MAFF: variants seen among roughly 807,000 people sequenced by gnomAD.
The protein encoded by MAFF is MAF bZIP transcription factor F, also known as transcription factor MafF.
Under a neutral mutation model 2.7 loss-of-function variants are expected in MAFF, and 4 were observed. The ratio of observed to expected loss-of-function variants is 1.48; its 90% CI spans 0.73 to 3.39. The LOEUF (loss-of-function observed/expected upper bound fraction) is 3.39, where lower values mean the gene tolerates loss of function less well. Among genes scored for constraint, MAFF ranks in the 30% most tolerant of loss-of-function variants. The probability of loss-of-function intolerance (pLI) is 0.01; values close to 1 mark genes in which losing one functional copy is unlikely to be tolerated. For synonymous variants in MAFF, 113 were observed against 119.4 expected, an observed-to-expected ratio of 0.95 and a Z score of 0.35; for missense variants, 190 against 246.6, an observed-to-expected ratio of 0.77 and a Z score of 1.54.
At chr22:38,211,592 G>A (rs1386531665) in intron 1 of MAFF, among the ~76,000 whole-genome samples, 2 of 152,192 alleles carry the variant, frequency 1.3e-5, no homozygotes, top group Non-Finnish European at 2.9e-5. Context: ...CCAGTGAGCC[G>A]TGGGAAGGTC....
At position 38,215,704 on chromosome 22, in the gene MAFF, A is replaced by AG; in HGVS notation, c.*831dup. The AG allele has an allele frequency of 6.0e-6, 1 of 167,606 alleles. No individual in the cohort carries two copies. The allele number at this position is 167,606 out of a possible 1,614,324, so 10.4% of individuals were successfully genotyped here. Reference sequence around the variant, plus strand: ...GTCCGGGGGCTGGCCAGTCAGAGAAAGGGGGCCATGGACTGCTGTGGCAAA... The same window carrying AG: ...GTCCGGGGGCTGGCCAGTCAGAGAAAGGGGGGCCATGGACTGCTGTGGCAAA... On this transcript the variant is annotated 3_prime_UTR_variant, in exon 3 of 3. Coordinates refer to ENST00000338483, the MANE Select transcript of MAFF (RefSeq NM_012323.4).
chr22:38,213,710 T>A (rs766203082), intron 1 of MAFF, 113 bp from the exon 2 acceptor site: 5 of 788,490 alleles, frequency 6.3e-6, no homozygotes, highest in Non-Finnish European at 1.1e-5. Flanking sequence ...GTGGCAGGTA[T>A]GAATCAGTTC....
At chr22:38,209,673 C>T (rs958462469) in intron 1 of MAFF, among the ~76,000 whole-genome samples, 3 of 151,756 alleles carry the variant, frequency 2.0e-5, no homozygotes, top group Non-Finnish European at 4.4e-5. Context: ...ATTAGCTGGG[C>T]GTGGTGGTAG....
chr22:38,213,945 G>A, intron 2 of MAFF, 56 bp downstream of exon 2: 2 of 1,578,760 alleles, frequency 1.3e-6, no homozygotes, highest in South Asian at 1.1e-5. Context: ...CCCATGCAGA[G>A]CCTCCTCATC....
rs1164552980 is a variant in MAFF at position 38,214,206 on chromosome 22, G to T, written c.37-214G>T. 2.0e-5 allele frequency among the ~76,000 whole-genome samples: 3 copies of T among 152,232 alleles called. No homozygotes were observed. Among genetic ancestry groups the T allele is most frequent in the African/African-American group, 7.2e-5 (3 of 41,472 alleles). On this transcript the variant is annotated intron_variant, in intron 2 of 2. Transcript: ENST00000338483. The surrounding 1 kb of genome is among the most constrained non-coding windows in gnomAD (Gnocchi z 6.3). ...GGCTGAGTCCAGGGCTTGGCGCTAG[G>T]TTAGAATTCAGGCTGAGCCCCGGGG...
chr22:38,207,600 C>T lies in MAFF; in HGVS notation c.-32+5388C>T, dbSNP rs1007699738. Among the ~76,000 whole-genome samples, 5 of 150,820 alleles carry T rather than the reference C, an allele frequency of 3.3e-5. No individual in the cohort carries two copies. In the South Asian group the frequency reaches 8.4e-4, roughly 25 times the overall value. The stretch of plus-strand genomic sequence containing the variant: ...GACTACAGGCGCCCACCACCACACC[C>T]GGCTAATTTTTTTTTTAAGAGGCGG... On this transcript the variant is annotated intron_variant, in intron 1 of 2. Coordinates refer to ENST00000338483, the MANE Select transcript of MAFF (RefSeq NM_012323.4).
At chr22:38,209,216 C>T (rs1328000177) in intron 1 of MAFF, among the ~76,000 whole-genome samples, 1 of 152,000 alleles carries the variant, frequency 6.6e-6, no homozygotes, top group Non-Finnish European at 1.5e-5. Flanking sequence ...AGGTGCCTGC[C>T]ACCACACCCG....
intron 1 of MAFF, among the ~76,000 whole-genome samples, chr22:38,208,583 C>A (rs2091071573): frequency 6.6e-6 from 1 of 152,186 alleles, no homozygotes; most frequent in Admixed American, 6.5e-5. Flanking sequence ...GTGATGGCGT[C>A]AGAGACTCTG....
rs398037113 is a variant in MAFF at position 38,209,813 on chromosome 22, C to CAAA, written c.-31-3990_-31-3988dup. On this transcript the variant is annotated intron_variant, in intron 1 of 2. Coordinates refer to ENST00000338483, the MANE Select transcript of MAFF (RefSeq NM_012323.4). ...TGGGCGACAGAGCGAGACTCCATCT[C>CAAA]AAAAAAAAAAAAAAAAAAAAAAGGG... 9.7e-4 allele frequency among the ~76,000 whole-genome samples: 74 copies of CAAA among 76,368 alleles called. 1 individual carries two copies. The highest frequency in any genetic ancestry group is 2.9e-3 in the African/African-American group (54 of 18,650). The allele number at this position is 76,368 out of a possible 152,430, so 50.1% of individuals were successfully genotyped here.
chr22:38,210,501 C>T (rs753663741), intron 1 of MAFF, among the ~76,000 whole-genome samples: 1 of 152,098 alleles, frequency 6.6e-6, no homozygotes, highest in African/African-American at 2.4e-5. Context: ...AAGTTCTGCC[C>T]TCATGGAGCT....
At chr22:38,207,082 G>A (rs1190751114) in intron 1 of MAFF, among the ~76,000 whole-genome samples, 1 of 152,126 alleles carries the variant, frequency 6.6e-6, no homozygotes, top group Non-Finnish European at 1.5e-5. Context: ...GGGAGGAGGT[G>A]TGTGGCTCCA....
In MAFF at chr22:38,214,645, C is replaced by A; in HGVS notation, c.262C>A (p.Arg88Ser). The change falls in exon 3 of 3, where the codon CGC (arginine) becomes AGC (serine). Residue 88 changes from arginine (R) to serine (S), a missense_variant. Around this residue, in one of 2 missense-constraint regions of MAFF, gnomAD observed 87 missense variants for 143.6 expected, o/e 0.61. Transcript: ENST00000338483. This position sits in a 1 kb window ranked among gnomAD's most constrained non-coding sequence, Gnocchi z 6.3. ...ELQKQKSELE[R>S]EVDKLARENA... ...GCAGAAGCAGAAGTCGGAGCTGGAG[C>A]GCGAGGTGGACAAGCTGGCGCGCGA... 1 of 1,560,422 alleles carries A rather than the reference C, an allele frequency of 6.4e-7. No individual in the cohort carries two copies. Among genetic ancestry groups the A allele is most frequent in the Non-Finnish European group, 8.7e-7 (1 of 1,153,218 alleles).
In MAFF at chr22:38,215,770, C is replaced by T. The variant is rs1189599912; in HGVS notation, c.*892C>T. Reference sequence around the variant, plus strand: ...ACAGACCCTGCAGTCCTACTACAGTCTGGAGTGGGGTCCTAAGAAGAAGGG... The same window carrying T: ...ACAGACCCTGCAGTCCTACTACAGTTTGGAGTGGGGTCCTAAGAAGAAGGG... On this transcript the variant is annotated 3_prime_UTR_variant, in exon 3 of 3. Transcript: ENST00000338483. The T allele has an allele frequency of 6.0e-6, 1 of 167,136 alleles. No individual in the cohort carries two copies. Among genetic ancestry groups the T allele is most frequent in the South Asian group, 2.1e-4 (1 of 4,828 alleles). The allele number at this position is 167,136 out of a possible 1,614,324, so 10.4% of individuals were successfully genotyped here.
At chr22:38,211,097 G>A (rs1299407223) in intron 1 of MAFF, among the ~76,000 whole-genome samples, 3 of 152,094 alleles carry the variant, frequency 2.0e-5, no homozygotes, top group Non-Finnish European at 4.4e-5. Context: ...CCAGCAGAGG[G>A]ACCAGCCAGT....
At chr22:38,207,920 C>T (rs1030987931) in intron 1 of MAFF, among the ~76,000 whole-genome samples, 5 of 152,130 alleles carry the variant, frequency 3.3e-5, no homozygotes, top group Non-Finnish European at 5.9e-5. Context: ...AGGGAGGTGA[C>T]GGTGTGAAGG....
intron 1 of MAFF, among the ~76,000 whole-genome samples, chr22:38,213,244 C>G (rs1042625773): frequency 6.8e-6 from 1 of 146,030 alleles, no homozygotes; most frequent in African/African-American, 2.5e-5. Context: ...AAAATCAAAT[C>G]AAAGGCACAT....
intron 1 of MAFF, among the ~76,000 whole-genome samples, chr22:38,206,428 A>G (rs1313174517): frequency 2.1e-4 from 27 of 130,138 alleles, no homozygotes; most frequent in African/African-American, 6.9e-4. Context: ...TGAAACCTCC[A>G]CCTCCCGGGT....
At chr22:38,213,624 G>A (rs2091118920) in intron 1 of MAFF, 199 bp from the exon 2 acceptor site, 2 of 669,594 alleles carry the variant, frequency 3.0e-6, no homozygotes, top group Admixed American at 2.1e-5. Flanking sequence ...ACAGTAAAGA[G>A]CACAGCCTGT....
At chr22:38,209,088 T>C (rs2091076313) in intron 1 of MAFF, among the ~76,000 whole-genome samples, 1 of 151,608 alleles carries the variant, frequency 6.6e-6, no homozygotes, top group Non-Finnish European at 1.5e-5. Flanking sequence ...GTTTTTGAGA[T>C]GGAGTATCAC....
Sources: gnomAD v4.1 joint callset for allele counts (sites outside exome capture counted in the v4.1 genomes callset) on GRCh38, gnomAD v4.1.1 for gene constraint, gnomAD v4.1.1 regional missense constraint, Gnocchi (gnomAD v3.1) non-coding constraint, MANE v1.5 for transcripts, NCBI Gene and HGNC (gene_info 2026-07-23, HGNC 2026-07-21) for gene names.